Variants in TBCA observed in about 807,000 individuals in gnomAD.
TBCA encodes tubulin-specific chaperone A.
In TBCA, 6 loss-of-function variants were observed where a neutral mutation model predicts 15.8. The observed-to-expected ratio is 0.38, with a 90% CI of 0.21 to 0.75. The LOEUF (loss-of-function observed/expected upper bound fraction) is 0.75. Among genes scored for constraint, TBCA ranks in the 30% least tolerant of loss-of-function variants. TBCA has a pLI of 0.46. For synonymous variants in TBCA, 32 were observed against 42.3 expected (o/e 0.76, Z 0.94); for missense variants, 90 against 131.2 (o/e 0.69, Z 1.53).
chr5:77,700,426 T>A (rs138029609), intron 2 of TBCA, among the ~76,000 whole-genome samples: 1 of 151,912 alleles, frequency 6.6e-6, no homozygotes, highest in African/African-American at 2.4e-5. Flanking sequence ...GAAGAGGATA[T>A]ACAGACAGCA....
At chr5:77,692,752 T>C in intron 3 of TBCA, 1 of 996,584 alleles carries the variant, frequency 1.0e-6, no homozygotes, top group Non-Finnish European at 1.2e-6. Flanking sequence ...TCACAAGGCA[T>C]TTATACCAGC....
intron 1 of TBCA, among the ~76,000 whole-genome samples, chr5:77,754,725 A>G (rs758675924): frequency 2.6e-5 from 4 of 152,226 alleles, no homozygotes. Context: ...ACACAACCAA[A>G]GATCATTCTG....
intron 1 of TBCA, among the ~76,000 whole-genome samples, chr5:77,743,285 A>G (rs1033064117): frequency 1.3e-5 from 2 of 152,218 alleles, no homozygotes; most frequent in Admixed American, 1.3e-4. Flanking sequence ...TTGCTACTTA[A>G]TAAATGTGTG....
At chr5:77,709,297 A>G (rs1746220715) in intron 1 of TBCA, among the ~76,000 whole-genome samples, 1 of 152,190 alleles carries the variant, frequency 6.6e-6, no homozygotes, top group Admixed American at 6.5e-5. Context: ...TACATCAGGA[A>G]AAGTTTCAAC....
At chr5:77,756,579 A>T (rs1415935118) in intron 1 of TBCA, among the ~76,000 whole-genome samples, 1 of 152,126 alleles carries the variant, frequency 6.6e-6, no homozygotes, top group East Asian at 1.9e-4. Context: ...GAATCTTCTA[A>T]AGAATCTTGC....
At chr5:77,743,622 C>T in intron 1 of TBCA, among the ~76,000 whole-genome samples, 1 of 152,188 alleles carries the variant, frequency 6.6e-6, no homozygotes. Context: ...AGTATCCCTG[C>T]CGCACCCAGT....
chr5:77,771,595 T>C (rs1747915383), intron 1 of TBCA, among the ~76,000 whole-genome samples: 1 of 152,242 alleles, frequency 6.6e-6, no homozygotes, highest in African/African-American at 2.4e-5. Context: ...TACTTTATAA[T>C]GTGGGCTGCT....
chr5:77,708,467 G>A (rs1452121141), intron 1 of TBCA, 120 bp from the exon 2 acceptor site: 6 of 579,998 alleles, frequency 1.0e-5, no homozygotes, highest in South Asian at 2.7e-5. Context: ...CTAGATGGGG[G>A]GAGGAAGGAA....
chr5:77,704,845 T>C (rs1484286885), intron 2 of TBCA, among the ~76,000 whole-genome samples: 1 of 152,240 alleles, frequency 6.6e-6, no homozygotes, highest in Non-Finnish European at 1.5e-5. Context: ...ACTATTGTTC[T>C]GTAATCAGAT....
intron 1 of TBCA, among the ~76,000 whole-genome samples, chr5:77,745,269 T>A (rs988331951): frequency 6.6e-6 from 1 of 152,222 alleles, no homozygotes; most frequent in Non-Finnish European, 1.5e-5. Context: ...TTACCTTACT[T>A]TTATAATTAT....
chr5:77,749,168 G>GA (rs1747257296), intron 1 of TBCA, among the ~76,000 whole-genome samples: 1 of 152,184 alleles, frequency 6.6e-6, no homozygotes, highest in African/African-American at 2.4e-5. Flanking sequence ...TGAGAACCGC[G>GA]AGAGATCACT....
chr5:77,760,864 G>A (rs1340812041), intron 1 of TBCA, among the ~76,000 whole-genome samples: 4 of 152,040 alleles, frequency 2.6e-5, no homozygotes, highest in South Asian at 2.1e-4. Context: ...AGTAAGGAGC[G>A]TCTCTGCCTG....
chr5:77,776,026 G>A (rs1443224376), intron 1 of TBCA, among the ~76,000 whole-genome samples, 179 bp downstream of exon 1: 1 of 152,148 alleles, frequency 6.6e-6, no homozygotes, highest in Admixed American at 6.5e-5. Flanking sequence ...AGGCTGGCGG[G>A]CTCGGGCGTC....
chr5:77,709,222 C>G (rs1462390306), intron 1 of TBCA, among the ~76,000 whole-genome samples: 2 of 152,012 alleles, frequency 1.3e-5, no homozygotes, highest in Non-Finnish European at 2.9e-5. Flanking sequence ...AGTTCTGTCA[C>G]AGACAAGTGG....
At chr5:77,693,411 C>T in intron 2 of TBCA, 59 bp from the exon 3 acceptor site, 1 of 1,558,276 alleles carries the variant, frequency 6.4e-7, no homozygotes, top group Non-Finnish European at 8.7e-7. Context: ...GTGTTTAGCT[C>T]ATATCTTGGT....
intron 2 of TBCA, among the ~76,000 whole-genome samples, chr5:77,696,458 T>G (rs1561262122): frequency 2.6e-5 from 4 of 152,298 alleles, no homozygotes; most frequent in Non-Finnish European, 4.4e-5. Flanking sequence ...GCCCTTACGC[T>G]CTAATGTATC....
At chr5:77,698,169 G>GA (rs70991304) in intron 2 of TBCA, among the ~76,000 whole-genome samples, 159 of 128,484 alleles carry the variant, frequency 1.2e-3, no homozygotes, top group East Asian at 4.2e-3. Context: ...TTCTTGAAAA[G>GA]AAAAAAAAAA....
At chr5:77,750,195 C>G (rs1017977707) in intron 1 of TBCA, among the ~76,000 whole-genome samples, 1 of 151,450 alleles carries the variant, frequency 6.6e-6, no homozygotes, top group African/African-American at 2.4e-5. Flanking sequence ...TACATATACA[C>G]ACACACATAT....
At chr5:77,722,941 TTAAA>T (rs1746557724) in intron 1 of TBCA, among the ~76,000 whole-genome samples, 1 of 151,824 alleles carries the variant, frequency 6.6e-6, no homozygotes, top group South Asian at 2.1e-4. Flanking sequence ...TAGTATAATA[TTAAA>T]TAAAACAACA....
Sources: allele counts gnomAD v4.1 joint callset (sites outside exome capture counted in the v4.1 genomes callset), GRCh38; gene constraint gnomAD v4.1.1; transcripts MANE v1.5; gene names NCBI Gene and HGNC (gene_info 2026-07-23, HGNC 2026-07-21).